The following ST6GALNAC3 variants were observed in gnomAD, a reference collection of about 807,000 sequenced individuals.
ST6GALNAC3 encodes the protein ST6 N-acetylgalactosaminide alpha-2,6-sialyltransferase 3.
In ST6GALNAC3, 25 loss-of-function variants were observed where a neutral mutation model predicts 32.7. That is an observed-to-expected ratio of 0.76 (90% confidence interval 0.56 to 1.07). ST6GALNAC3 has a LOEUF of 1.07. Among genes scored for constraint, ST6GALNAC3 ranks in the 50% least tolerant of loss-of-function variants. ST6GALNAC3 has a pLI of 0.00. For missense variants in ST6GALNAC3, 355 were observed against 382.4 expected (o/e 0.93, Z 0.60); for synonymous variants, 129 against 133.1 (o/e 0.97, Z 0.21).
rs74900258 is a variant in ST6GALNAC3 at position 76,546,059 on chromosome 1, G to A, written c.624-81393G>A. On this transcript the variant is annotated intron_variant, in intron 3 of 4. Coordinates refer to ENST00000328299, the MANE Select transcript of ST6GALNAC3 (RefSeq NM_152996.4). ...ACATTGTGTTGTAATTATATGAAAA[G>A]TACAGATTGAGACTCTGTACTTTCC... 3.3e-3 allele frequency among the ~76,000 whole-genome samples: 500 copies of A among 152,276 alleles called. 1 individual carries two copies. Among genetic ancestry groups the A allele is most frequent in the Admixed American group, 5.7e-3 (87 of 15,292 alleles).
intron 3 of ST6GALNAC3, among the ~76,000 whole-genome samples, chr1:76,432,924 G>A (rs1428057361): frequency 6.6e-6 from 1 of 152,162 alleles, no homozygotes; most frequent in Non-Finnish European, 1.5e-5. Context: ...TCTACAGGCG[G>A]TTTTGAGGAT....
chr1:76,367,004 A>G (rs1650424113), intron 2 of ST6GALNAC3, among the ~76,000 whole-genome samples: 1 of 152,230 alleles, frequency 6.6e-6, no homozygotes, highest in Non-Finnish European at 1.5e-5. Context: ...TCCAAGGCTG[A>G]GAATCAGTGG....
At position 76,500,269 on chromosome 1, in the gene ST6GALNAC3, T is replaced by C. The variant is rs374902033; in HGVS notation, c.623+87852T>C. ...ACATTAGTCTTTTACAAGCTGGAGC[T>C]GCTTTCTGAGTCATCTGATACATAT... On this transcript the variant is annotated intron_variant, in intron 3 of 4. Transcript: ENST00000328299. Among the ~76,000 whole-genome samples the C allele has an allele frequency of 1.4e-4, 22 of 152,322 alleles. No homozygotes were observed. The South Asian group carries it at 4.3e-3, about 30-fold the overall frequency.
intron 3 of ST6GALNAC3, among the ~76,000 whole-genome samples, chr1:76,550,715 A>G (rs527615399): frequency 5.9e-5 from 9 of 152,192 alleles, no homozygotes; most frequent in African/African-American, 2.2e-4. Flanking sequence ...AATCATATCT[A>G]ACTTATAATG....
chr1:76,328,097 A>C (rs1647113816), intron 2 of ST6GALNAC3, among the ~76,000 whole-genome samples: 1 of 152,206 alleles, frequency 6.6e-6, no homozygotes, highest in South Asian at 2.1e-4. Flanking sequence ...CCAAAGTCAC[A>C]CATGCTCAAA....
intron 1 of ST6GALNAC3, among the ~76,000 whole-genome samples, chr1:76,242,262 TAC>T (rs1389835350): frequency 6.6e-6 from 1 of 151,628 alleles, no homozygotes; most frequent in Non-Finnish European, 1.5e-5. Flanking sequence ...AAAAAAAGAG[TAC>T]ACTGAGGAAA....
In ST6GALNAC3 at chr1:76,335,331, T is replaced by G. The variant is rs550686984; in HGVS notation, c.213+21332T>G. ...TTCATTCATTCATTTTCCAACCCAT[T>G]TATTCCAGCTCAGCCGTGAGGATGG... On this transcript the variant is annotated intron_variant, in intron 2 of 4. Transcript: ENST00000328299. Among the ~76,000 whole-genome samples, 5 of 152,022 alleles carry G rather than the reference T, an allele frequency of 3.3e-5. No homozygotes were observed. In the East Asian group the frequency reaches 7.7e-4, roughly 23 times the overall value.
At position 76,275,865 on chromosome 1, in the gene ST6GALNAC3, G is replaced by A. The variant is rs570804198; in HGVS notation, c.19-37940G>A. Among the ~76,000 whole-genome samples, 4 of 152,270 alleles carry A rather than the reference G, an allele frequency of 2.6e-5. No individual in the cohort carries two copies. The East Asian group carries it at 5.8e-4, about 22-fold the overall frequency. ...TCTTGTATATCTGAATGGGTCACAT[G>A]TAGTGCAAGCTTCAAGACTGGTTTG... On this transcript the variant is annotated intron_variant, in intron 1 of 4. Coordinates refer to ENST00000328299, the MANE Select transcript of ST6GALNAC3 (RefSeq NM_152996.4).
chr1:76,637,051 C>G (rs1649521776), downstream of ST6GALNAC3: 2 of 152,146 alleles, frequency 1.3e-5, no homozygotes, highest in Admixed American at 6.6e-5. Context: ...CTCTCACTAT[C>G]CATAAGTCCA....
intron 1 of ST6GALNAC3, among the ~76,000 whole-genome samples, chr1:76,235,342 C>A (rs996286549): frequency 7.2e-5 from 11 of 151,884 alleles, no homozygotes; most frequent in Non-Finnish European, 1.6e-4. Flanking sequence ...CCCATCTCTA[C>A]AAAAAATTAA....
intron 3 of ST6GALNAC3, among the ~76,000 whole-genome samples, chr1:76,601,159 C>G (rs774718765): frequency 6.6e-6 from 1 of 152,076 alleles, no homozygotes; most frequent in Non-Finnish European, 1.5e-5. Context: ...GATCATGCCA[C>G]TGCACTCCAG....
chr1:76,421,937 G>A (rs1010054232), intron 3 of ST6GALNAC3, among the ~76,000 whole-genome samples: 4 of 151,886 alleles, frequency 2.6e-5, no homozygotes, highest in Admixed American at 2.0e-4. Context: ...TACCATGATA[G>A]CATTTAAAAT....
chr1:76,080,061 A>G (rs1183832960), intron 1 of ST6GALNAC3, among the ~76,000 whole-genome samples: 1 of 152,180 alleles, frequency 6.6e-6, no homozygotes, highest in Non-Finnish European at 1.5e-5. Context: ...ACCCTAAGTG[A>G]GATTATAGAC....
At chr1:76,215,567 G>A (rs977209579) in intron 1 of ST6GALNAC3, among the ~76,000 whole-genome samples, 2 of 152,122 alleles carry the variant, frequency 1.3e-5, no homozygotes, top group Non-Finnish European at 2.9e-5. Flanking sequence ...ATTTCTGTTC[G>A]CTCCACTTTT....
At chr1:76,535,305 C>T (rs568823797) in intron 3 of ST6GALNAC3, among the ~76,000 whole-genome samples, 1 of 152,190 alleles carries the variant, frequency 6.6e-6, no homozygotes, top group South Asian at 2.1e-4. Context: ...TAATATTTTA[C>T]CTGGCATTTG....
At chr1:76,634,685 ATTTTTTTTTTTTTT>A (rs755148916), downstream of ST6GALNAC3, 3 of 47,356 alleles carry the variant, frequency 6.3e-5, no homozygotes, top group African/African-American at 9.8e-5. Flanking sequence ...GCGGTATGGG[ATTTTTTTTTTTTTT>A]TTTTTTTTTT....
chr1:76,281,766 A>G (rs1659510338), intron 1 of ST6GALNAC3, among the ~76,000 whole-genome samples: 1 of 152,144 alleles, frequency 6.6e-6, no homozygotes, highest in Admixed American at 6.5e-5. Flanking sequence ...TATGCTGCCT[A>G]TTGAGGAATT....
At position 76,391,919 on chromosome 1, in the gene ST6GALNAC3, C is replaced by T. The variant is rs144899163; in HGVS notation, c.214-20089C>T. Among the ~76,000 whole-genome samples, 162 of 152,238 alleles carry T rather than the reference C, an allele frequency of 1.1e-3. 1 individual carries two copies. The highest frequency in any genetic ancestry group is 3.7e-3 in the African/African-American group (154 of 41,536). ...AACACAGAAAAGGTTAAATTCATGG[C>T]GCTTATGTAGCTTATTTTCATTAGG... is the stretch of plus-strand genomic sequence containing the variant. On this transcript the variant is annotated intron_variant, in intron 2 of 4. Coordinates refer to ENST00000328299, the MANE Select transcript of ST6GALNAC3 (RefSeq NM_152996.4).
chr1:76,304,775 C>T (rs768038223), intron 1 of ST6GALNAC3, among the ~76,000 whole-genome samples: 3 of 152,012 alleles, frequency 2.0e-5, no homozygotes, highest in Non-Finnish European at 4.4e-5. Context: ...TCATCATTGT[C>T]GGGATGCCTC....
Sources: allele counts gnomAD v4.1 joint callset (sites outside exome capture counted in the v4.1 genomes callset), GRCh38; gene constraint gnomAD v4.1.1; transcripts MANE v1.5; gene names NCBI Gene and HGNC (gene_info 2026-07-23, HGNC 2026-07-21).